PIWIL3: variants seen among roughly 807,000 people sequenced by gnomAD.
PIWIL3 encodes piwi-like protein 3.
In PIWIL3, 101 loss-of-function variants were observed where a neutral mutation model predicts 109.7. The ratio of observed to expected loss-of-function variants is 0.92; its 90% CI spans 0.78 to 1.09. The LOEUF is 1.09. PIWIL3 is among the 50% of genes least tolerant of loss of function. The probability of loss-of-function intolerance (pLI) is 0.00; values close to 1 mark genes in which losing one functional copy is unlikely to be tolerated. For synonymous variants in PIWIL3, 373 were observed against 376.4 expected (o/e 0.99, Z 0.10); for missense variants, 1,031 against 1,072.6 (o/e 0.96, Z 0.54).
chr22:24,773,703 A>ATTTTTTTTTTTTTTTTTTTTTTT, intron 1 of PIWIL3, among the ~76,000 whole-genome samples: 1 of 110,202 alleles, frequency 9.1e-6, no homozygotes, highest in Non-Finnish European at 1.8e-5. Context: ...GACACTCTAG[A>ATTTTTTTTTTTTTTTTTTTTTTT]TTTTTTTTTT....
In PIWIL3 at chr22:24,723,167, C is replaced by A; in HGVS notation, c.2320G>T (p.Gly774Ter). The A allele has an allele frequency of 6.2e-7, 1 of 1,613,246 alleles. No individual in the cohort carries two copies. The highest frequency in any genetic ancestry group is 8.5e-7 in the Non-Finnish European group (1 of 1,179,368). ...GTCAACTCTACATCAATAACTGTTC[C>A]TGGAGGTGGATTTTGAAAATTGCTT... Reference protein sequence around the residue: ...HGSNFQNPPPGTVIDVELTRN... With the variant: ...HGSNFQNPPP Residue 774 changes from glycine (G) to a stop codon, truncating the protein, a stop_gained, in exon 19 of 21, where the codon GGA becomes TGA. Transcript: ENST00000616349. LOFTEE classifies it high-confidence loss of function.
chr22:24,721,799 T>TA (rs1922690427), intron 19 of PIWIL3, among the ~76,000 whole-genome samples: 1 of 152,232 alleles, frequency 6.6e-6, no homozygotes, highest in South Asian at 2.1e-4. Context: ...AGAATGTCTC[T>TA]AACCATTTCA....
intron 9 of PIWIL3, among the ~76,000 whole-genome samples, 191 bp downstream of exon 9, chr22:24,751,196 T>C (rs1253063177): frequency 3.3e-5 from 5 of 151,960 alleles, no homozygotes; most frequent in Non-Finnish European, 5.9e-5. Context: ...ACTGGCACCA[T>C]TCTAGTTATG....
At chr22:24,754,680 C>A in intron 7 of PIWIL3, 104 bp downstream of exon 7, 1 of 865,306 alleles carries the variant, frequency 1.2e-6, no homozygotes, top group Non-Finnish European at 1.9e-6. Context: ...ATTTAAAAGG[C>A]CATCACTTTT....
At position 24,719,832 on chromosome 22, in the gene PIWIL3, G is replaced by T; in HGVS notation, c.2421C>A (p.Asn807Lys). The T allele has an allele frequency of 6.2e-7, 1 of 1,610,508 alleles. No individual in the cohort carries two copies. Among genetic ancestry groups the T allele is most frequent in the Non-Finnish European group, 8.5e-7 (1 of 1,176,732 alleles). Residue 807 changes from asparagine (N) to lysine (K), a missense_variant, in exon 20 of 21, where the codon AAC becomes AAA. Transcript: ENST00000616349. Reference sequence around the variant, plus strand: ...TCAAGCCAATCGTGTCATAGATGACGTTATAATGAGTGGGGGTAACAGTCC... The same window carrying T: ...TCAAGCCAATCGTGTCATAGATGACTTTATAATGAGTGGGGGTAACAGTCC... ...QDGTVTPTHYNVIYDTIGLSP... is the reference protein window; with the variant it reads ...QDGTVTPTHYKVIYDTIGLSP...
At chr22:24,729,853 A>G (rs546374182) in intron 14 of PIWIL3, among the ~76,000 whole-genome samples, 65 of 152,074 alleles carry the variant, frequency 4.3e-4, no homozygotes, top group Non-Finnish European at 8.4e-4. Context: ...CAAATTTTCA[A>G]ATGACTGGCA....
chr22:24,773,775 T>C (rs1926268363), intron 1 of PIWIL3, among the ~76,000 whole-genome samples: 1 of 142,208 alleles, frequency 7.0e-6, no homozygotes. Context: ...AGTACAGTGG[T>C]GCGATCTTGG....
At chr22:24,751,959 C>A (rs1039252574) in intron 8 of PIWIL3, among the ~76,000 whole-genome samples, 23 of 152,186 alleles carry the variant, frequency 1.5e-4, no homozygotes, top group African/African-American at 5.3e-4. Context: ...TGATATCCCA[C>A]CTTTTGTTTA....
chr22:24,760,381 G>A (rs1272634580), intron 2 of PIWIL3, among the ~76,000 whole-genome samples: 1 of 152,150 alleles, frequency 6.6e-6, no homozygotes, highest in East Asian at 1.9e-4. Context: ...AGTTGGGAAC[G>A]TTCAAGGAAG....
intron 14 of PIWIL3, among the ~76,000 whole-genome samples, chr22:24,728,747 C>G (rs1231838253): frequency 3.3e-5 from 5 of 152,062 alleles, no homozygotes; most frequent in African/African-American, 9.7e-5. Flanking sequence ...TAAATTACAT[C>G]AATTGCTTAA....
In PIWIL3 at chr22:24,734,082, A is replaced by G. The variant is rs759242203; in HGVS notation, c.1707+2T>C. 6.2e-7 allele frequency: 1 copy of G among 1,609,070 alleles called. No homozygotes were observed. Among genetic ancestry groups the G allele is most frequent in the Non-Finnish European group, 8.5e-7 (1 of 1,178,456 alleles). Reference sequence around the variant, plus strand: ...TTGTACATGTATCAACTAGACACTTACCATCTGCAGTGTTGGTCTAGTATA... The same window carrying G: ...TTGTACATGTATCAACTAGACACTTGCCATCTGCAGTGTTGGTCTAGTATA... On this transcript the variant is annotated splice_donor_variant, in intron 14 of 20. Coordinates refer to ENST00000616349, the MANE Select transcript of PIWIL3 (RefSeq NM_001255975.1). LOFTEE classifies it high-confidence loss of function.
intron 1 of PIWIL3, among the ~76,000 whole-genome samples, chr22:24,768,779 G>C (rs529799639): frequency 6.6e-6 from 1 of 152,346 alleles, no homozygotes; most frequent in East Asian, 1.9e-4. Flanking sequence ...TCTTCTAGGG[G>C]CTGACAGCTT....
At chr22:24,754,347 A>G (rs914486817) in intron 7 of PIWIL3, 130 bp from the exon 8 acceptor site, 9 of 696,526 alleles carry the variant, frequency 1.3e-5, no homozygotes, top group Middle Eastern at 3.3e-4. Flanking sequence ...AGTCTTTTGA[A>G]GGACCTTCAG....
At position 24,760,780 on chromosome 22, in the gene PIWIL3, C is replaced by CAAAAAAAAAAAAAAAAAAAA. The variant is rs61469163; in HGVS notation, c.103-811_103-792dup. On this transcript the variant is annotated intron_variant, in intron 2 of 20. Coordinates refer to ENST00000616349, the MANE Select transcript of PIWIL3 (RefSeq NM_001255975.1). Reference sequence around the variant, plus strand: ...GGGCAACAAGAGCGAAACTCTGTCTCAAAAAAAAAAAAAAAAAAAAAAAGC... The same window carrying CAAAAAAAAAAAAAAAAAAAA: ...GGGCAACAAGAGCGAAACTCTGTCTCAAAAAAAAAAAAAAAAAAAAAAAAAAAAAAAAAAAAAAAAAAAGC... Among the ~76,000 whole-genome samples the CAAAAAAAAAAAAAAAAAAAA allele has an allele frequency of 3.7e-3, 151 of 41,016 alleles. 11 individuals are homozygous for CAAAAAAAAAAAAAAAAAAAA. Among genetic ancestry groups the CAAAAAAAAAAAAAAAAAAAA allele is most frequent in the East Asian group, 0.018 (17 of 940 alleles). The allele number at this position is 41,016 out of a possible 152,430, so 26.9% of individuals were successfully genotyped here.
chr22:24,762,177 C>T, intron 2 of PIWIL3: 1 of 967,158 alleles, frequency 1.0e-6, no homozygotes, highest in Non-Finnish European at 1.4e-6. Flanking sequence ...AGTCAGTCTG[C>T]TTGCACATGT....
Position 24,730,233 on chromosome 22 carries a change from C to T in PIWIL3, c.1708-1859G>A, listed in dbSNP as rs554027155. Among the ~76,000 whole-genome samples the T allele has an allele frequency of 7.3e-5, 11 of 151,610 alleles. No individual in the cohort carries two copies. The South Asian group carries it at 1.5e-3, about 20-fold the overall frequency. ...TACAAAAATTATCCAGGCATGGTGG[C>T]GGGCACGTGTAGTCCCAGGTACTTG... On this transcript the variant is annotated intron_variant, in intron 14 of 20. Coordinates refer to ENST00000616349, the MANE Select transcript of PIWIL3 (RefSeq NM_001255975.1).
intron 12 of PIWIL3, among the ~76,000 whole-genome samples, chr22:24,740,472 C>T (rs1362328446): frequency 6.3e-5 from 9 of 143,870 alleles, no homozygotes; most frequent in Non-Finnish European, 1.1e-4. Flanking sequence ...GGCATGAACC[C>T]GGGAGGCAGA....
At chr22:24,728,836 G>A (rs1923153638) in intron 14 of PIWIL3, among the ~76,000 whole-genome samples, 1 of 152,076 alleles carries the variant, frequency 6.6e-6, no homozygotes, top group Admixed American at 6.6e-5. Flanking sequence ...GTTAAAATCA[G>A]GCTGAAGGAT....
chr22:24,752,420 T>G (rs1487493606), intron 8 of PIWIL3, among the ~76,000 whole-genome samples: 1 of 152,072 alleles, frequency 6.6e-6, no homozygotes, highest in Non-Finnish European at 1.5e-5. Context: ...AAGATTAGGG[T>G]GGGATGGCCA....
Sources: allele counts gnomAD v4.1 joint callset (sites outside exome capture counted in the v4.1 genomes callset), GRCh38; gene constraint gnomAD v4.1.1; transcripts MANE v1.5; gene names NCBI Gene and HGNC (gene_info 2026-07-23, HGNC 2026-07-21).